ANO5: variants seen among roughly 807,000 people sequenced by gnomAD.
ANO5 encodes the protein anoctamin 5, also known as anoctamin-5.
ANO5 carries 109 observed loss-of-function variants against 121.0 expected under a neutral mutation model. That is an observed-to-expected ratio of 0.90 (90% confidence interval 0.77 to 1.06). The LOEUF is 1.06. Among genes scored for constraint, ANO5 ranks in the 50% least tolerant of loss-of-function variants. The pLI is 0.00. For missense variants in ANO5, 1,064 were observed against 1,078.5 expected, an observed-to-expected ratio of 0.99 and a Z score of 0.19; for synonymous variants, 406 against 359.9, an observed-to-expected ratio of 1.13 and a Z score of -1.45.
chr11:22,256,883 GC>G (rs779729633), intron 13 of ANO5, among the ~76,000 whole-genome samples: 1 of 152,110 alleles, frequency 6.6e-6, no homozygotes, highest in Admixed American at 6.5e-5. Context: ...TACATTGGGT[GC>G]ACACATGAAC....
At chr11:22,209,756 A>C (rs1032190760) in intron 2 of ANO5, among the ~76,000 whole-genome samples, 10 of 151,958 alleles carry the variant, frequency 6.6e-5, no homozygotes, top group African/African-American at 2.4e-4. Context: ...CAAAGTGAAG[A>C]TATAACCCCA....
intron 15 of ANO5, 74 bp from the exon 16 acceptor site, chr11:22,262,055 A>C: frequency 6.9e-7 from 1 of 1,439,802 alleles, no homozygotes; most frequent in Non-Finnish European, 9.7e-7. Context: ...CTAGATGTTC[A>C]CTTGTCCTAG....
intron 12 of ANO5, among the ~76,000 whole-genome samples, chr11:22,254,684 A>G (rs1590291317): frequency 1.3e-5 from 2 of 151,688 alleles, no homozygotes; most frequent in East Asian, 3.9e-4. Context: ...GGTGCTGGTT[A>G]TATGGGTATA....
At chr11:22,255,778 G>T (rs908990053) in intron 13 of ANO5, among the ~76,000 whole-genome samples, 1 of 152,002 alleles carries the variant, frequency 6.6e-6, no homozygotes, top group African/African-American at 2.4e-5. Context: ...CCATCACTCA[G>T]AATGAATCGT....
At chr11:22,237,785 CT>C (rs1853276172) in intron 8 of ANO5, among the ~76,000 whole-genome samples, 1 of 151,930 alleles carries the variant, frequency 6.6e-6, no homozygotes, top group Admixed American at 6.6e-5. Flanking sequence ...ACAGCCTCTT[CT>C]TTTTTTCAAC....
intron 17 of ANO5, among the ~76,000 whole-genome samples, chr11:22,264,332 T>G (rs1386141471): frequency 6.6e-6 from 1 of 151,950 alleles, no homozygotes; most frequent in African/African-American, 2.4e-5. Context: ...GCCCCCAAAC[T>G]TTTATTTTAA....
At chr11:22,276,275 C>G in intron 21 of ANO5, 76 bp downstream of exon 21, 1 of 1,220,162 alleles carries the variant, frequency 8.2e-7, no homozygotes, top group African/African-American at 1.5e-5. Context: ...AACCTCTCAT[C>G]AGAAAGTTAG....
intron 9 of ANO5, 21 bp downstream of exon 9, chr11:22,239,705 C>T (rs571689234): frequency 2.6e-5 from 40 of 1,528,114 alleles, no homozygotes; most frequent in Non-Finnish European, 3.5e-5. Flanking sequence ...TACACAGGAT[C>T]AGACCAATTA....
At chr11:22,279,021 A>C (rs756757972) in intron 21 of ANO5, among the ~76,000 whole-genome samples, 2 of 151,708 alleles carry the variant, frequency 1.3e-5, no homozygotes, top group Non-Finnish European at 3.0e-5. Flanking sequence ...GAATACCTGG[A>C]TACAGATGGG....
chr11:22,203,892 A>C, intron 2 of ANO5, 42 bp downstream of exon 2: 1 of 1,309,356 alleles, frequency 7.6e-7, no homozygotes, highest in Non-Finnish European at 1.1e-6. Context: ...ATAAGTCAGA[A>C]TAAAAAATCA....
chr11:22,272,149 A>C (rs1168495577), intron 18 of ANO5, among the ~76,000 whole-genome samples: 2 of 152,172 alleles, frequency 1.3e-5, no homozygotes, highest in Admixed American at 1.3e-4. Flanking sequence ...AAGAATAAAA[A>C]TGTGGAGATA....
intron 14 of ANO5, among the ~76,000 whole-genome samples, chr11:22,258,564 T>C (rs1854078459): frequency 1.3e-5 from 2 of 152,188 alleles, no homozygotes; most frequent in Admixed American, 6.5e-5. Flanking sequence ...TTTTGCAATA[T>C]GGGAAGTATA....
intron 1 of ANO5, among the ~76,000 whole-genome samples, chr11:22,201,877 CAT>C (rs1260413558): frequency 6.6e-6 from 1 of 152,120 alleles, no homozygotes; most frequent in Non-Finnish European, 1.5e-5. Context: ...GTTTCTGACA[CAT>C]AAACTTTGGG....
intron 18 of ANO5, among the ~76,000 whole-genome samples, chr11:22,270,817 A>G (rs1398678783): frequency 3.9e-5 from 6 of 152,174 alleles, no homozygotes; most frequent in African/African-American, 1.4e-4. Flanking sequence ...CCTGGAAAAC[A>G]TTTCCAGAGT....
At chr11:22,220,661 A>G (rs1852610503) in intron 4 of ANO5, among the ~76,000 whole-genome samples, 2 of 152,140 alleles carry the variant, frequency 1.3e-5, no homozygotes, top group South Asian at 4.1e-4. Context: ...ATAAAAACAT[A>G]GAATAAACAT....
upstream of ANO5, chr11:22,192,869 T>A (rs990171896): frequency 1.7e-6 from 1 of 587,532 alleles, no homozygotes; most frequent in African/African-American, 2.0e-5. Context: ...GGAGGCTGCA[T>A]GTCCGGAGGA....
At chr11:22,214,230 G>A (rs1272224991) in intron 3 of ANO5, among the ~76,000 whole-genome samples, 2 of 151,874 alleles carry the variant, frequency 1.3e-5, no homozygotes, top group Admixed American at 6.6e-5. Flanking sequence ...TGACTCCTGT[G>A]TTTCCTTGGT....
At chr11:22,277,278 C>T (rs1854893408) in intron 21 of ANO5, among the ~76,000 whole-genome samples, 1 of 151,524 alleles carries the variant, frequency 6.6e-6, no homozygotes, top group South Asian at 2.1e-4. Flanking sequence ...TTCTGAAATT[C>T]AAAACCTCAG....
intron 3 of ANO5, among the ~76,000 whole-genome samples, chr11:22,213,272 A>G (rs895893649): frequency 1.3e-5 from 2 of 151,820 alleles, no homozygotes; most frequent in Admixed American, 1.3e-4. Context: ...TCCTTTTCCT[A>G]TTCCAATATC....
Sources: gnomAD v4.1 joint callset for allele counts (sites outside exome capture counted in the v4.1 genomes callset) on GRCh38, gnomAD v4.1.1 for gene constraint, MANE v1.5 for transcripts, NCBI Gene and HGNC (gene_info 2026-07-23, HGNC 2026-07-21) for gene names.